The following ATRX variants were observed in gnomAD, a reference collection of about 807,000 sequenced individuals.
The protein encoded by ATRX is chromatin remodeler ATRX.
Under a neutral mutation model 172.6 loss-of-function variants are expected in ATRX, and 12 were observed. The observed-to-expected ratio is 0.07, with a 90% CI of 0.04 to 0.11. ATRX has a LOEUF of 0.11. Among genes scored for constraint, ATRX ranks in the 10% least tolerant of loss-of-function variants. The pLI is 1.00. For missense variants in ATRX, 1,368 were observed against 1,767.4 expected (o/e 0.77, Z 4.05); for synonymous variants, 674 against 594.7 (o/e 1.13, Z -1.94).
intron 34 of ATRX, among the ~76,000 whole-genome samples, chrX:77,514,161 T>A (rs782457638): frequency 2.0e-4 from 22 of 112,390 alleles, no homozygotes; most frequent in Admixed American, 5.6e-4. Context: ...AGAATCAATA[T>A]TGTTGAAATG....
intron 1 of ATRX, among the ~76,000 whole-genome samples, chrX:77,762,530 G>T (rs1326483863): frequency 9.0e-6 from 1 of 110,926 alleles, no homozygotes; most frequent in Non-Finnish European, 1.9e-5. Context: ...ACTATGAGTT[G>T]TCATAATGTG....
chrX:77,671,167 A>AAT (rs3063061), intron 10 of ATRX, among the ~76,000 whole-genome samples: 231 of 15,690 alleles, frequency 0.015, 2 homozygotes, highest in Middle Eastern at 0.056. Context: ...AAAAAAAAAA[A>AAT]ATATATATAT....
intron 25 of ATRX, among the ~76,000 whole-genome samples, chrX:77,597,910 C>T (rs2066525873): frequency 1.8e-5 from 2 of 112,147 alleles, no homozygotes; most frequent in Non-Finnish European, 3.8e-5. Context: ...AGCAGAACTG[C>T]AATTTGACCC....
At chrX:77,619,048 A>G in intron 20 of ATRX, 67 bp from the exon 21 acceptor site, 1 of 793,799 alleles carries the variant, frequency 1.3e-6, no homozygotes. Context: ...AAAATTCCCC[A>G]ATGAAATGCT....
intron 20 of ATRX, among the ~76,000 whole-genome samples, chrX:77,619,598 T>C (rs1231585673): frequency 9.0e-6 from 1 of 111,016 alleles, no homozygotes; most frequent in Non-Finnish European, 1.9e-5. Flanking sequence ...AGGACCACAA[T>C]ATGAAACAGC....
chrX:77,576,014 G>A (rs782801996), intron 27 of ATRX, among the ~76,000 whole-genome samples: 19 of 111,068 alleles, frequency 1.7e-4, no homozygotes, highest in African/African-American at 5.9e-4. Flanking sequence ...AATACACAGT[G>A]GTAATGGTAA....
At chrX:77,601,792 T>C (rs944546952) in intron 22 of ATRX, among the ~76,000 whole-genome samples, 2 of 111,975 alleles carry the variant, frequency 1.8e-5, no homozygotes, top group African/African-American at 6.5e-5. Flanking sequence ...AGTAGTGATA[T>C]GAAACATTAA....
At chrX:77,780,621 C>T (rs2076536842) in intron 1 of ATRX, among the ~76,000 whole-genome samples, 2 of 108,991 alleles carry the variant, frequency 1.8e-5, no homozygotes, top group South Asian at 4.1e-4. Context: ...AGCCACTGCA[C>T]GTGGCCTGTA....
At chrX:77,523,802 C>A (rs1557042660) in intron 30 of ATRX, among the ~76,000 whole-genome samples, 1 of 111,565 alleles carries the variant, frequency 9.0e-6, no homozygotes, top group Non-Finnish European at 1.9e-5. Flanking sequence ...ACATCATAAA[C>A]AACTTTATTT....
chrX:77,584,030 T>TA (rs1557075514), intron 27 of ATRX, among the ~76,000 whole-genome samples: 1 of 111,444 alleles, frequency 9.0e-6, no homozygotes, highest in African/African-American at 3.3e-5. Flanking sequence ...TAAAGAAACT[T>TA]ACAAATTAAA....
chrX:77,646,670 C>CA (rs1290780793), intron 15 of ATRX, among the ~76,000 whole-genome samples: 1 of 111,357 alleles, frequency 9.0e-6, no homozygotes, highest in African/African-American at 3.3e-5. Context: ...GCCTTAATTC[C>CA]ACCACTTTAG....
Position 77,694,901 on chromosome X carries a change from T to TGG in ATRX, c.371-966_371-965dup, listed in dbSNP as rs45459992. ...ATGAGTTTCTGAGTCTCTGAAAGGG[T>TGG]GGGGGGGGGGAGGACACAGATGATT... is the stretch of plus-strand genomic sequence containing the variant. On this transcript the variant is annotated intron_variant, in intron 5 of 34. Coordinates refer to ENST00000373344, the MANE Select transcript of ATRX (RefSeq NM_000489.6). Among the ~76,000 whole-genome samples the TGG allele has an allele frequency of 4.0e-4, 11 of 27,797 alleles. No individual in the cohort carries two copies. In the South Asian group the frequency reaches 0.029, roughly 72 times the overall value. The allele number at this position is 27,797 out of a possible 115,157, so 24.1% of individuals were successfully genotyped here.
intron 3 of ATRX, among the ~76,000 whole-genome samples, chrX:77,697,869 G>A (rs2072271691): frequency 8.9e-6 from 1 of 112,005 alleles, no homozygotes. Flanking sequence ...TTCCTTGGCT[G>A]AAGATTAAAT....
intron 19 of ATRX, among the ~76,000 whole-genome samples, chrX:77,627,098 T>C (rs1383465349): frequency 9.0e-6 from 1 of 111,127 alleles, no homozygotes; most frequent in East Asian, 2.8e-4. Context: ...CCAGGCGTGG[T>C]GGCAGGCGCC....
At chrX:77,759,358 TA>T (rs200906628) in intron 1 of ATRX, among the ~76,000 whole-genome samples, 6 of 100,047 alleles carry the variant, frequency 6.0e-5, no homozygotes, top group East Asian at 3.0e-4. Context: ...ACCAAATTCG[TA>T]AAAAAAAAAA....
intron 27 of ATRX, among the ~76,000 whole-genome samples, chrX:77,580,539 C>T (rs183980665): frequency 1.2e-3 from 137 of 111,884 alleles, no homozygotes; most frequent in African/African-American, 3.0e-3. Context: ...AAAAAACTTT[C>T]ACCCTAGAAT....
intron 26 of ATRX, among the ~76,000 whole-genome samples, chrX:77,592,237 C>T (rs970260908): frequency 1.2e-4 from 13 of 107,975 alleles, no homozygotes; most frequent in South Asian, 4.1e-4. Flanking sequence ...CGTGGTGAAA[C>T]CCCGTCTCTA....
At chrX:77,603,406 C>T (rs1386011326) in intron 22 of ATRX, among the ~76,000 whole-genome samples, 2 of 109,706 alleles carry the variant, frequency 1.8e-5, no homozygotes, top group African/African-American at 6.6e-5. Flanking sequence ...GCTCTTGTTG[C>T]CTAGGCTGGA....
chrX:77,659,571 G>A (rs908258531), intron 12 of ATRX, among the ~76,000 whole-genome samples: 14 of 107,301 alleles, frequency 1.3e-4, no homozygotes, highest in Admixed American at 2.0e-4. Flanking sequence ...TATTAAGCGC[G>A]GATGACACTT....
Sources: allele counts gnomAD v4.1 joint callset (sites outside exome capture counted in the v4.1 genomes callset), GRCh38; gene constraint gnomAD v4.1.1; transcripts MANE v1.5; gene names NCBI Gene and HGNC (gene_info 2026-07-23, HGNC 2026-07-21).